Variants in MITF observed in about 807,000 individuals in gnomAD.
MITF encodes melanocyte inducing transcription factor.
MITF carries 17 observed loss-of-function variants against 60.5 expected under a neutral mutation model. The observed-to-expected ratio is 0.28, with a 90% CI of 0.19 to 0.42. The LOEUF (loss-of-function observed/expected upper bound fraction) is 0.42. MITF is among the 10% of genes least tolerant of loss of function. The probability of loss-of-function intolerance (pLI) is 1.00; values close to 1 mark genes in which losing one functional copy is unlikely to be tolerated. For missense variants in MITF, 622 were observed against 683.5 expected (o/e 0.91, Z 1.00); for synonymous variants, 260 against 248.5 (o/e 1.05, Z -0.43).
At chr3:69,807,590 A>G (rs964674566) in intron 1 of MITF, among the ~76,000 whole-genome samples, 2 of 152,246 alleles carry the variant, frequency 1.3e-5, no homozygotes, top group African/African-American at 2.4e-5. Flanking sequence ...CTTGTCTACA[A>G]CAACATGCAT....
Position 69,959,278 on chromosome 3 carries a change from T to C in MITF, c.1037T>C (p.Met346Thr). Residue 346 changes from methionine (M) to threonine (T), a missense_variant, in exon 9 of 10, where the codon ATG (methionine) becomes ACG (threonine). Coordinates refer to ENST00000352241, the MANE Select transcript of MITF (RefSeq NM_001354604.2). ...TLIPKSNDPD[M>T]RWNKGTILKA... Reference sequence around the variant, plus strand: ...TTCCTCCATTTTCATCGCAGAGACATGCGCTGGAACAAGGGAACCATCTTA... The same window carrying C: ...TTCCTCCATTTTCATCGCAGAGACACGCGCTGGAACAAGGGAACCATCTTA... 1.9e-6 allele frequency: 3 copies of C among 1,614,068 alleles called. 1 individual carries two copies. The highest frequency in any genetic ancestry group is 2.5e-6 in the Non-Finnish European group (3 of 1,180,002).
intron 2 of MITF, among the ~76,000 whole-genome samples, chr3:69,934,875 G>A (rs192927815): frequency 1.5e-3 from 222 of 152,312 alleles, no homozygotes; most frequent in African/African-American, 5.2e-3. Context: ...CTTGTACTCT[G>A]TGAAACACAA....
chr3:69,769,960 A>T (rs933017914), intron 1 of MITF, among the ~76,000 whole-genome samples: 3 of 152,198 alleles, frequency 2.0e-5, no homozygotes, highest in Non-Finnish European at 4.4e-5. Context: ...TCTGAAATTC[A>T]ATTCAACTGG....
intron 1 of MITF, among the ~76,000 whole-genome samples, chr3:69,748,365 A>G (rs1411768219): frequency 6.6e-6 from 1 of 152,030 alleles, no homozygotes; most frequent in Non-Finnish European, 1.5e-5. Context: ...TCAGCCTCCC[A>G]AGTAGCTGGA....
chr3:69,963,321 T>C (rs1315199001), intron 9 of MITF, among the ~76,000 whole-genome samples: 1 of 152,220 alleles, frequency 6.6e-6, no homozygotes, highest in East Asian at 1.9e-4. Flanking sequence ...ATGATGCTTC[T>C]AAAACTTTAG....
intron 5 of MITF, among the ~76,000 whole-genome samples, chr3:69,947,520 A>G (rs2066128388): frequency 6.6e-6 from 1 of 152,192 alleles, no homozygotes; most frequent in South Asian, 2.1e-4. Context: ...AATCAAAGTC[A>G]CTTTTTATCA....
At chr3:69,842,379 A>G (rs980254506) in intron 1 of MITF, among the ~76,000 whole-genome samples, 4 of 152,340 alleles carry the variant, frequency 2.6e-5, no homozygotes, top group Non-Finnish European at 4.4e-5. Context: ...TAAGCGATAC[A>G]TTAATACAAC....
intron 1 of MITF, among the ~76,000 whole-genome samples, chr3:69,851,237 G>C (rs1356671257): frequency 2.0e-5 from 3 of 152,028 alleles, no homozygotes; most frequent in African/African-American, 7.3e-5. Flanking sequence ...TATTGACATA[G>C]GAATACTGAC....
chr3:69,912,100 T>C (rs2065236953), intron 2 of MITF, among the ~76,000 whole-genome samples: 1 of 152,210 alleles, frequency 6.6e-6, no homozygotes, highest in Admixed American at 6.5e-5. Flanking sequence ...TGGATAGATC[T>C]CAGAAACTAA....
At position 69,968,242 on chromosome 3, in the gene MITF, C is replaced by A. The variant is rs961910003; in HGVS notation, c.*2994C>A. The A allele has an allele frequency of 1.3e-4, 30 of 232,004 alleles. No homozygotes were observed. The highest frequency in any genetic ancestry group is 6.2e-4 in the African/African-American group (28 of 45,238). 14.4% of individuals were successfully genotyped at this position (232,004 alleles called of 1,614,324 possible). A position where few individuals can be genotyped will look rare whatever the true frequency, so the allele number is the denominator to read the frequency against. On this transcript the variant is annotated 3_prime_UTR_variant, in exon 10 of 10. Transcript: ENST00000352241. ...ATGCAGCAATAATTTCTGTATGGTC[C>A]ATAGCACTGTATATTATGGATCGAT...
At chr3:69,787,163 TCCATTCATGAG>T (rs1241644639) in intron 1 of MITF, among the ~76,000 whole-genome samples, 1 of 152,180 alleles carries the variant, frequency 6.6e-6, no homozygotes, top group Non-Finnish European at 1.5e-5. Flanking sequence ...TAAGTCATGT[TCCATTCATGAG>T]CCAGTGCATG....
chr3:69,839,059 A>G lies in MITF; in HGVS notation c.105-40075A>G, dbSNP rs890372874. Among the ~76,000 whole-genome samples, 4 of 152,150 alleles carry G rather than the reference A, an allele frequency of 2.6e-5. No homozygotes were observed. In the East Asian group the frequency reaches 5.8e-4, roughly 22 times the overall value. ...GTGGCCATTACTGCTGCTTTATGAC[A>G]TGGAATAATGGTTTCAACCTGCACA... On this transcript the variant is annotated intron_variant, in intron 1 of 9. Coordinates refer to ENST00000352241, the MANE Select transcript of MITF (RefSeq NM_001354604.2).
intron 1 of MITF, among the ~76,000 whole-genome samples, chr3:69,805,853 A>G (rs891077023): frequency 1.3e-5 from 2 of 151,838 alleles, no homozygotes; most frequent in African/African-American, 2.4e-5. Context: ...TGGAGACAAG[A>G]TCTTTCTATG....
At chr3:69,747,145 A>G (rs1277025949) in intron 1 of MITF, among the ~76,000 whole-genome samples, 1 of 152,138 alleles carries the variant, frequency 6.6e-6, no homozygotes, top group Non-Finnish European at 1.5e-5. Context: ...TGTGCTGGCC[A>G]TAGGGAGTCC....
chr3:69,903,197 A>C (rs922167449), intron 2 of MITF, among the ~76,000 whole-genome samples: 2 of 152,198 alleles, frequency 1.3e-5, no homozygotes, highest in Non-Finnish European at 2.9e-5. Flanking sequence ...CAAATTAGCT[A>C]ATCTTTGGAC....
chr3:69,747,752 G>A (rs1325437944), intron 1 of MITF, among the ~76,000 whole-genome samples: 19 of 152,170 alleles, frequency 1.2e-4, no homozygotes, highest in Admixed American at 1.2e-3. Context: ...GATGGGTCTT[G>A]TTAGTTTTGT....
At chr3:69,931,072 T>G (rs2065712300) in intron 2 of MITF, among the ~76,000 whole-genome samples, 1 of 152,232 alleles carries the variant, frequency 6.6e-6, no homozygotes, top group African/African-American at 2.4e-5. Flanking sequence ...CTTTTTTACT[T>G]TTATTTTATG....
intron 2 of MITF, among the ~76,000 whole-genome samples, chr3:69,891,078 C>T (rs113649659): frequency 0.024 from 3,715 of 152,250 alleles, 141 homozygotes; most frequent in African/African-American, 0.082. Context: ...TTATTATCTT[C>T]CATTAACATA....
intron 1 of MITF, among the ~76,000 whole-genome samples, chr3:69,775,527 A>G (rs1023995793): frequency 6.6e-6 from 1 of 152,246 alleles, no homozygotes; most frequent in African/African-American, 2.4e-5. Context: ...CACACAAATC[A>G]GCATTCTTTA....
Sources: gnomAD v4.1 joint callset for allele counts (sites outside exome capture counted in the v4.1 genomes callset) on GRCh38, gnomAD v4.1.1 for gene constraint, MANE v1.5 for transcripts, NCBI Gene and HGNC (gene_info 2026-07-23, HGNC 2026-07-21) for gene names.